The following RTEL1 variants were observed in gnomAD, a reference collection of about 807,000 sequenced individuals.
The protein encoded by RTEL1 is regulator of telomere elongation helicase 1, also known as regulator of telomere length.
RTEL1 carries 86 observed loss-of-function variants against 162.2 expected under a neutral mutation model. That is an observed-to-expected ratio of 0.53 (90% CI 0.45 to 0.63). The LOEUF is 0.63. Ranked by LOEUF, RTEL1 falls within the 30% of genes least tolerant of loss-of-function variation. The pLI, the probability that RTEL1 is intolerant of heterozygous loss-of-function variation, is 0.00. For synonymous variants in RTEL1, 958 were observed against 717.9 expected, an observed-to-expected ratio of 1.33 and a Z score of -5.35; for missense variants, 1,941 against 1,750.2, an observed-to-expected ratio of 1.11 and a Z score of -1.95.
At chr20:63,680,598 G>C in intron 13 of RTEL1, 66 bp from the exon 14 acceptor site, 1 of 1,560,012 alleles carries the variant, frequency 6.4e-7, no homozygotes, top group East Asian at 2.2e-5. Context: ...ATGCTGGAAG[G>C]GCCGGGGCTG....
In RTEL1 at chr20:63,678,186, A is replaced by G. The variant is rs200787633; in HGVS notation, c.958+3A>G. ...GGAAGACATTGCAAAGCTGAAGAGT[A>G]AGTGTTGCCCTCCCCGCCTCCTTGC... is the stretch of plus-strand genomic sequence containing the variant. On this transcript the variant is annotated splice_donor_region_variant and intron_variant, in intron 11 of 34. Transcript: ENST00000360203. 79 of 1,613,626 alleles carry G rather than the reference A, an allele frequency of 4.9e-5. 1 individual carries two copies. Among genetic ancestry groups the G allele is most frequent in the Admixed American group, 4.0e-4 (24 of 60,020 alleles).
rs141522376 is a variant in RTEL1 at position 63,695,773 on chromosome 20, C to G, written c.3823-5C>G. ...GACGTGTGCAGTGGGCCGGTTGTCT[C>G]ACAGGCCTCTAGGATGTGCCCAGCC... On this transcript the variant is annotated splice_polypyrimidine_tract_variant and splice_region_variant and intron_variant, in intron 34 of 34. Coordinates refer to ENST00000360203, the MANE Select transcript of RTEL1 (RefSeq NM_001283009.2). 3.9e-3 allele frequency: 6,248 copies of G among 1,590,056 alleles called. 19 individuals are homozygous for G. Among genetic ancestry groups the G allele is most frequent in the Non-Finnish European group, 4.9e-3 (5,735 of 1,168,868 alleles).
chr20:63,695,387 C>T lies in RTEL1; in HGVS notation c.3559C>T (p.Gln1187Ter), dbSNP rs776525427. Reference sequence around the variant, plus strand: ...GAGCAAGATCTCGTCCTTCCTTAGACAGAGGCCAGCAGGGACTGTGGGGGC... The same window carrying T: ...GAGCAAGATCTCGTCCTTCCTTAGATAGAGGCCAGCAGGGACTGTGGGGGC... ...TQSKISSFLR[Q>*]RPAGTVGAGG... is the part of the protein sequence containing the mutation. Residue 1187 changes from glutamine (Q) to a stop codon, truncating the protein, a stop_gained, in exon 34 of 35, where the codon CAG becomes TAG. Transcript: ENST00000360203. LOFTEE classifies it high-confidence loss of function. 1 of 1,553,546 alleles carries T rather than the reference C, an allele frequency of 6.4e-7. No homozygotes were observed. Among genetic ancestry groups the T allele is most frequent in the Non-Finnish European group, 8.7e-7 (1 of 1,149,462 alleles).
Position 63,685,277 on chromosome 20 carries a change from C to T in RTEL1, c.1192-246C>T, listed in dbSNP as rs3787089. Among the ~76,000 whole-genome samples the T allele has an allele frequency of 0.69, 104,922 of 151,442 alleles. 36,858 individuals are homozygous for T. Among genetic ancestry groups the T allele is most frequent in the African/African-American group, 0.74 (30,570 of 41,270 alleles). ...CGGGAGGAGAGGCCCCTCGGGCTGC[C>T]GCATTTTCAGTGCATGGAGATGGCC... On this transcript the variant is annotated intron_variant, in intron 14 of 34. Coordinates refer to ENST00000360203, the MANE Select transcript of RTEL1 (RefSeq NM_001283009.2).
intron 10 of RTEL1, among the ~76,000 whole-genome samples, chr20:63,675,644 G>A (rs940880881): frequency 3.3e-5 from 5 of 152,118 alleles, no homozygotes; most frequent in East Asian, 1.9e-4. Flanking sequence ...GTCTTAAAGC[G>A]CCGGGACCAC....
In RTEL1 at chr20:63,687,622, GC is replaced by G. The variant is rs763892570; in HGVS notation, c.1349-10del. 1 of 1,594,038 alleles carries G rather than the reference GC, an allele frequency of 6.3e-7. No individual in the cohort carries two copies. On this transcript the variant is annotated splice_polypyrimidine_tract_variant and intron_variant, in intron 16 of 34. Transcript: ENST00000360203. ...GTCCTCACACTCTGTGCCCTCTGCCGCCCCCCGCCCCACAGGGAAGGTGCTG... is the reference window on the plus strand; with the variant it reads ...GTCCTCACACTCTGTGCCCTCTGCCGCCCCCGCCCCACAGGGAAGGTGCTG...
chr20:63,670,810 C>A (rs1467737285), intron 8 of RTEL1, among the ~76,000 whole-genome samples: 4 of 129,258 alleles, frequency 3.1e-5, no homozygotes, highest in African/African-American at 1.1e-4. Context: ...TAGGGAGACC[C>A]CATCTCAAAA....
rs61736622 is a variant in RTEL1 at position 63,661,920 on chromosome 20, C to T, written c.372C>T (p.Asn124=). 2.3e-4 allele frequency: 369 copies of T among 1,613,998 alleles called. 1 individual carries two copies. Among genetic ancestry groups the T allele is most frequent in the Middle Eastern group, 8.2e-4 (5 of 6,062 alleles). The change falls in exon 4 of 35, where the codon AAC becomes AAT. Residue 124 remains asparagine, a synonymous_variant. Transcript: ENST00000360203. The surrounding 1 kb of genome is among the most constrained non-coding windows in gnomAD (Gnocchi z 5.1). ...ACTCGCAACTCACACAGGTCATCAA[C>T]GAGCTTCGGAACACCTCCTACCGGT... is the stretch of plus-strand genomic sequence containing the variant. ...RTHSQLTQVI[N]ELRNTSYRPK...
At chr20:63,662,774 C>T (rs1202968392) in intron 5 of RTEL1, 55 bp from the exon 6 acceptor site, 4 of 1,605,408 alleles carry the variant, frequency 2.5e-6, no homozygotes, top group Non-Finnish European at 3.4e-6. Flanking sequence ...TGGGGACTGG[C>T]TTCGGTCCTT....
intron 12 of RTEL1, among the ~76,000 whole-genome samples, chr20:63,678,687 A>G (rs2090416539): frequency 9.2e-6 from 1 of 109,148 alleles, no homozygotes; most frequent in Non-Finnish European, 1.8e-5. Flanking sequence ...ACACACACCC[A>G]CGGAACAGCA....
Position 63,688,174 on chromosome 20 carries a change from C to T in RTEL1, c.1631C>T (p.Ala544Val). The T allele has an allele frequency of 6.2e-7, 1 of 1,612,060 alleles. No individual in the cohort carries two copies. Among genetic ancestry groups the T allele is most frequent in the South Asian group, 1.1e-5 (1 of 91,082 alleles). Residue 544 changes from alanine to valine, a missense_variant, in exon 19 of 35, where the codon GCT becomes GTT. Coordinates refer to ENST00000360203, the MANE Select transcript of RTEL1 (RefSeq NM_001283009.2). ...GAGTGCTTATCCTCCCTGGGGAAGGCTCTGGGTGAGTGCCCTGAATGCCCC... is the reference window on the plus strand; with the variant it reads ...GAGTGCTTATCCTCCCTGGGGAAGGTTCTGGGTGAGTGCCCTGAATGCCCC... ...SEECLSSLGK[A>V]LGNIARVVPY... is the part of the protein sequence containing the mutation.
chr20:63,690,495 T>TGGGGGG, intron 26 of RTEL1, 54 bp downstream of exon 26: 1 of 594,928 alleles, frequency 1.7e-6, no homozygotes, highest in Non-Finnish European at 2.7e-6. Context: ...GCGGGCGGCG[T>TGGGGGG]GGGGCGGGCA....
intron 10 of RTEL1, among the ~76,000 whole-genome samples, chr20:63,677,797 C>A (rs111714400): frequency 0.021 from 601 of 28,344 alleles, 4 homozygotes; most frequent in East Asian, 0.054. Flanking sequence ...CTTCCTTCCC[C>A]TGTTGGTGGA....
At chr20:63,694,288 C>T (rs1291514093) in intron 30 of RTEL1, 84 bp from the exon 31 acceptor site, 3 of 1,161,662 alleles carry the variant, frequency 2.6e-6, no homozygotes, top group East Asian at 2.4e-5. Context: ...GAGGCCTGGC[C>T]TCCCTAGCCA....
At position 63,662,841 on chromosome 20, in the gene RTEL1, C is replaced by T. The variant is rs752046445; in HGVS notation, c.490C>T (p.Arg164Cys). 1.2e-5 allele frequency: 19 copies of T among 1,613,824 alleles called. No individual in the cohort carries two copies. Among genetic ancestry groups the T allele is most frequent in the South Asian group, 4.4e-5 (4 of 91,090 alleles). Residue 164 changes from arginine to cysteine, a missense_variant, in exon 6 of 35, where the codon CGT becomes TGT. Arg to Cys is a radical substitution (Grantham distance 180). Transcript: ENST00000360203. ...ESNHLQIHLC[R>C]KKVASRSCHF... ...CTTCCTCCCACAGATCCACTTGTGC[C>T]GTAAGAAGGTGGCAAGTCGCTCCTG...
At chr20:63,678,464 C>G (rs2090402503) in intron 12 of RTEL1, 118 bp downstream of exon 12, 1 of 948,078 alleles carries the variant, frequency 1.1e-6, no homozygotes, top group Non-Finnish European at 1.6e-6. Context: ...CCTGTTTTCC[C>G]TTTTTGAGAC....
At position 63,680,963 on chromosome 20, in the gene RTEL1, G is replaced by A. The variant is rs566483281; in HGVS notation, c.1191+244G>A. On this transcript the variant is annotated intron_variant, in intron 14 of 34. Transcript: ENST00000360203. Reference sequence around the variant, plus strand: ...CAGGGTGATGCTGGTGAGGGAGGACGCAAAGGACAGTGGGGGCCGGGGAGC... The same window carrying A: ...CAGGGTGATGCTGGTGAGGGAGGACACAAAGGACAGTGGGGGCCGGGGAGC... 10 of 985,400 alleles carry A rather than the reference G, an allele frequency of 1.0e-5. No individual in the cohort carries two copies. In the East Asian group the frequency reaches 3.4e-4, roughly 34 times the overall value. The allele number at this position is 985,400 out of a possible 1,614,324, so 61.0% of individuals were successfully genotyped here.
At chr20:63,686,108 G>A (rs968525057) in intron 16 of RTEL1, 3 of 578,742 alleles carry the variant, frequency 5.2e-6, no homozygotes, top group Non-Finnish European at 9.3e-6. Flanking sequence ...TCACCTGGTT[G>A]GTGGTGGCAG....
chr20:63,673,618 T>C (rs2090289303), intron 9 of RTEL1, among the ~76,000 whole-genome samples: 1 of 151,884 alleles, frequency 6.6e-6, no homozygotes, highest in Non-Finnish European at 1.5e-5. Flanking sequence ...TTTGTATTTT[T>C]TGTAGAGGCG....
Sources: gnomAD v4.1 joint callset for allele counts (sites outside exome capture counted in the v4.1 genomes callset) on GRCh38, gnomAD v4.1.1 for gene constraint, Gnocchi (gnomAD v3.1) non-coding constraint, MANE v1.5 for transcripts, NCBI Gene and HGNC (gene_info 2026-07-23, HGNC 2026-07-21) for gene names.